FAM184A: variants seen among roughly 807,000 people sequenced by gnomAD.
The protein encoded by FAM184A is protein FAM184A.
Under a neutral mutation model 143.8 loss-of-function variants are expected in FAM184A, and 99 were observed. The observed-to-expected ratio is 0.69, with a 90% confidence interval of 0.58 to 0.81. The LOEUF (loss-of-function observed/expected upper bound fraction) is 0.81, where lower values mean the gene tolerates loss of function less well. Among genes scored for constraint, FAM184A ranks in the 40% least tolerant of loss-of-function variants. The pLI is 0.00. For synonymous variants in FAM184A, 427 were observed against 446.4 expected, an observed-to-expected ratio of 0.96 and a Z score of 0.55; for missense variants, 1,217 against 1,310.5, an observed-to-expected ratio of 0.93 and a Z score of 1.10.
intron 1 of FAM184A, among the ~76,000 whole-genome samples, chr6:119,038,747 C>T (rs879577050): frequency 8.5e-5 from 13 of 152,124 alleles, no homozygotes; most frequent in African/African-American, 2.4e-4. Context: ...CTTTGCACTA[C>T]GGACCGGCCC....
intron 9 of FAM184A, among the ~76,000 whole-genome samples, chr6:118,985,571 T>C (rs1384767791): frequency 6.6e-6 from 1 of 152,048 alleles, no homozygotes; most frequent in East Asian, 1.9e-4. Flanking sequence ...AATAACCACA[T>C]AGACTTCCTA....
chr6:119,108,314 G>A (rs570889925), intron 1 of FAM184A, among the ~76,000 whole-genome samples: 14 of 152,236 alleles, frequency 9.2e-5, no homozygotes, highest in African/African-American at 3.4e-4. Flanking sequence ...TGGAGCACCT[G>A]TCTGGAGCAG....
Position 119,132,795 on chromosome 6 carries a change from A to C in FAM184A, c.-202+16283T>G, listed in dbSNP as rs150052006. On this transcript the variant is annotated intron_variant, in intron 1 of 16. Transcript: ENST00000352896. ...GCACGTGAGGTGAAATCTACTTATT[A>C]GCCTGGCTTTGAGCTGCAGCTTTCA... Among the ~76,000 whole-genome samples, 11 of 152,364 alleles carry C rather than the reference A, an allele frequency of 7.2e-5. No individual in the cohort carries two copies. In the East Asian group the frequency reaches 1.9e-3, roughly 27 times the overall value.
intron 9 of FAM184A, among the ~76,000 whole-genome samples, chr6:119,001,852 T>C (rs1490814272): frequency 6.6e-6 from 1 of 152,188 alleles, no homozygotes; most frequent in Admixed American, 6.5e-5. Context: ...TCTGTCCTTG[T>C]GGGTCCCTAA....
intron 1 of FAM184A, among the ~76,000 whole-genome samples, chr6:119,142,158 T>C (rs1772266527): frequency 6.6e-6 from 1 of 152,078 alleles, no homozygotes; most frequent in South Asian, 2.1e-4. Context: ...GCTTGGAGAA[T>C]GTTATGCAGG....
In FAM184A at chr6:119,145,847, T is replaced by A. The variant is rs530646215; in HGVS notation, c.-202+3231A>T. Among the ~76,000 whole-genome samples, 3 of 152,342 alleles carry A rather than the reference T, an allele frequency of 2.0e-5. No individual in the cohort carries two copies. In the East Asian group the frequency reaches 5.8e-4, roughly 29 times the overall value. On this transcript the variant is annotated intron_variant, in intron 1 of 16. Coordinates refer to the FAM184A transcript ENST00000352896. ...AATCTTTAGGTATCATCTCACTGAA[T>A]CTTCACATCAGCTCCATTAAGCAAA...
chr6:118,991,006 C>A lies in FAM184A; in HGVS notation c.2089-10656G>T, dbSNP rs1784360720. On this transcript the variant is annotated intron_variant, in intron 9 of 17. Transcript: ENST00000338891. Reference sequence around the variant, plus strand: ...TCAACTTATTCAACTATGTATCTCACCCTGTATAAATTTTATACATTTATT... The same window carrying A: ...TCAACTTATTCAACTATGTATCTCAACCTGTATAAATTTTATACATTTATT... Among the ~76,000 whole-genome samples, 3 of 150,784 alleles carry A rather than the reference C, an allele frequency of 2.0e-5. No individual in the cohort carries two copies. In the South Asian group the frequency reaches 6.3e-4, roughly 32 times the overall value.
intron 1 of FAM184A, among the ~76,000 whole-genome samples, chr6:119,028,427 A>G (rs1024727747): frequency 5.9e-5 from 9 of 152,178 alleles, no homozygotes; most frequent in African/African-American, 2.2e-4. Context: ...ATACAGTTGG[A>G]ACTTCCAGCC....
intron 1 of FAM184A, chr6:119,068,927 G>T: frequency 4.6e-6 from 1 of 219,054 alleles, no homozygotes; most frequent in South Asian, 5.8e-5. Context: ...AGAAAAATTT[G>T]CCCATGATTA....
intron 1 of FAM184A, among the ~76,000 whole-genome samples, chr6:119,087,063 A>T (rs1788241912): frequency 6.6e-6 from 1 of 152,194 alleles, no homozygotes; most frequent in Non-Finnish European, 1.5e-5. Flanking sequence ...AATTTACAAA[A>T]ATAACATTCT....
At chr6:119,111,489 C>T (rs1414900525) in intron 1 of FAM184A, among the ~76,000 whole-genome samples, 1 of 152,112 alleles carries the variant, frequency 6.6e-6, no homozygotes, top group Non-Finnish European at 1.5e-5. Flanking sequence ...CAGAACTGTA[C>T]ATTCAAAAAT....
At chr6:119,029,452 TAA>T (rs1456555753) in intron 1 of FAM184A, among the ~76,000 whole-genome samples, 1 of 152,182 alleles carries the variant, frequency 6.6e-6, no homozygotes, top group Non-Finnish European at 1.5e-5. Flanking sequence ...CCCAAATCCA[TAA>T]GAGTCTATCT....
At chr6:119,008,388 G>T (rs985384005) in intron 6 of FAM184A, among the ~76,000 whole-genome samples, 1 of 152,196 alleles carries the variant, frequency 6.6e-6, no homozygotes. Context: ...TTTAAAAGGA[G>T]CTCCCAGAAA....
intron 9 of FAM184A, among the ~76,000 whole-genome samples, chr6:118,997,305 A>C (rs1486080678): frequency 7.3e-6 from 1 of 136,756 alleles, no homozygotes; most frequent in Non-Finnish European, 1.6e-5. Context: ...AGCCTGGGTG[A>C]CTAAGTGAAA....
chr6:119,004,703 C>G (rs1052970168), intron 7 of FAM184A, among the ~76,000 whole-genome samples: 1 of 152,134 alleles, frequency 6.6e-6, no homozygotes, highest in Admixed American at 6.5e-5. Context: ...AACCAGGATG[C>G]AGCATCTATA....
intron 4 of FAM184A, among the ~76,000 whole-genome samples, chr6:119,018,191 C>T (rs1186191187): frequency 6.6e-6 from 1 of 151,998 alleles, no homozygotes; most frequent in Non-Finnish European, 1.5e-5. Context: ...AGTGCATGTG[C>T]GTGTGCATGT....
intron 1 of FAM184A, among the ~76,000 whole-genome samples, chr6:119,126,940 A>G (rs1789382266): frequency 6.6e-6 from 1 of 152,150 alleles, no homozygotes; most frequent in South Asian, 2.1e-4. Flanking sequence ...TCATCAAGCC[A>G]TCCCTCTGAA....
intron 1 of FAM184A, among the ~76,000 whole-genome samples, chr6:119,056,649 G>C (rs760573135): frequency 2.0e-5 from 3 of 152,156 alleles, no homozygotes; most frequent in Non-Finnish European, 4.4e-5. Context: ...CCTTTCCAAA[G>C]TGATGTAAAT....
At position 119,016,905 on chromosome 6, in the gene FAM184A, C is replaced by T. The variant is rs1785275646; in HGVS notation, c.1372G>A (p.Glu458Lys). The change falls in exon 5 of 18, where the codon GAA (glutamate) becomes AAA (lysine). Residue 458 changes from glutamate to lysine, a missense_variant. Glu to Lys is a moderately conservative substitution (Grantham distance 56). Transcript: ENST00000338891. ...EAKRTQQEYY[E>K]RELKNLQSRL... ...CTTTGCAGGTTTTTAAGTTCCCTTT[C>T]ATAATATTCTTGCTGAGTTCTCTTT... The T allele has an allele frequency of 6.2e-7, 1 of 1,613,420 alleles. No individual in the cohort carries two copies. Among genetic ancestry groups the T allele is most frequent in the Non-Finnish European group, 8.5e-7 (1 of 1,179,810 alleles).
Sources: gnomAD v4.1 joint callset for allele counts (sites outside exome capture counted in the v4.1 genomes callset) on GRCh38, gnomAD v4.1.1 for gene constraint, MANE v1.5 for transcripts, NCBI Gene and HGNC (gene_info 2026-07-23, HGNC 2026-07-21) for gene names.